The following TRPM6 variants were observed in gnomAD, a reference collection of about 807,000 sequenced individuals.
The protein encoded by TRPM6 is channel kinase 2.
A neutral mutation model predicts 247.6 loss-of-function variants in TRPM6; 111 were observed. The observed-to-expected ratio is 0.45, with a 90% CI of 0.38 to 0.52. The LOEUF is 0.52. TRPM6 is among the 20% of genes least tolerant of loss of function. The probability of loss-of-function intolerance (pLI) is 0.00; values close to 1 mark genes in which losing one functional copy is unlikely to be tolerated. For synonymous variants in TRPM6, 892 were observed against 853.8 expected (o/e 1.04, Z -0.78); for missense variants, 2,126 against 2,421.5 (o/e 0.88, Z 2.56).
rs1826632246 is a variant in TRPM6 at position 74,761,541 on chromosome 9, C to G, written c.4785+155G>C. On this transcript the variant is annotated intron_variant, in intron 27 of 38. Transcript: ENST00000360774. ...CCTGGACAACATAGCAAGACCCCAC[C>G]CATCTCTTAAAAAGAGGAACAAATT... Among the ~76,000 whole-genome samples the G allele has an allele frequency of 2.6e-5, 4 of 152,112 alleles. No individual in the cohort carries two copies. The South Asian group carries it at 8.3e-4, about 32-fold the overall frequency.
At chr9:74,773,860 G>T (rs1197819534) in intron 24 of TRPM6, among the ~76,000 whole-genome samples, 1 of 152,070 alleles carries the variant, frequency 6.6e-6, no homozygotes, top group African/African-American at 2.4e-5. Context: ...GATTTAAATG[G>T]CAGGAAAAAA....
In TRPM6 at chr9:74,753,594, G is replaced by A. The variant is rs181496625; in HGVS notation, c.4907-1226C>T. Among the ~76,000 whole-genome samples the A allele has an allele frequency of 9.2e-5, 14 of 152,172 alleles. No individual in the cohort carries two copies. In the South Asian group the frequency reaches 2.7e-3, roughly 29 times the overall value. ...TGCTATAGTCCCAGCTACTCGGGAG[G>A]CTGAGGTGGAAGGATCGCTTGAGCC... On this transcript the variant is annotated intron_variant, in intron 28 of 38. Coordinates refer to ENST00000360774, the MANE Select transcript of TRPM6 (RefSeq NM_017662.5).
intron 5 of TRPM6, among the ~76,000 whole-genome samples, 157 bp downstream of exon 5, chr9:74,839,855 GAGGAAGGAAGGA>G (rs527635762): frequency 3.2e-4 from 23 of 72,560 alleles, no homozygotes; most frequent in African/African-American, 3.5e-4. Context: ...AGAAGAGAGA[GAGGAAGGAAGGA>G]AGGAAGGAAG....
chr9:74,804,626 C>T, intron 14 of TRPM6: 1 of 748,108 alleles, frequency 1.3e-6, no homozygotes, highest in Non-Finnish European at 2.4e-6. Context: ...AGGTTACAAA[C>T]TGGTCTGAAG....
intron 25 of TRPM6, among the ~76,000 whole-genome samples, chr9:74,765,643 G>A (rs1826803077): frequency 6.6e-6 from 1 of 152,096 alleles, no homozygotes; most frequent in African/African-American, 2.4e-5. Context: ...AATGATTCCC[G>A]CTCTTATCTG....
chr9:74,796,712 AATTCAGTTC>A lies in TRPM6; in HGVS notation c.2391+20_2391+28del, dbSNP rs1198912665. On this transcript the variant is annotated intron_variant, in intron 18 of 38. Coordinates refer to ENST00000360774, the MANE Select transcript of TRPM6 (RefSeq NM_017662.5). The stretch of plus-strand genomic sequence containing the variant: ...ATTTGCGTGCAGTCAATACAATGAA[AATTCAGTTC>A]ATTATGATTTTGCACTAACCACAGA... The A allele has an allele frequency of 1.2e-6, 2 of 1,610,352 alleles. No individual in the cohort carries two copies. Among genetic ancestry groups the A allele is most frequent in the African/African-American group, 2.7e-5 (2 of 74,824 alleles).
chr9:74,741,026 G>A (rs1825848262), intron 33 of TRPM6, among the ~76,000 whole-genome samples: 1 of 152,024 alleles, frequency 6.6e-6, no homozygotes, highest in Non-Finnish European at 1.5e-5. Flanking sequence ...CAGAAAAATG[G>A]GGATGAAAAT....
intron 13 of TRPM6, among the ~76,000 whole-genome samples, chr9:74,809,943 C>T (rs1309119946): frequency 7.5e-6 from 1 of 134,036 alleles, no homozygotes; most frequent in East Asian, 2.4e-4. Context: ...CCCATCATTG[C>T]ACTCCAGCCT....
At chr9:74,867,375 A>C (rs1474068184) in intron 1 of TRPM6, among the ~76,000 whole-genome samples, 3 of 152,218 alleles carry the variant, frequency 2.0e-5, no homozygotes, top group African/African-American at 7.2e-5. Context: ...ACTACTGCAC[A>C]CAAGTGACTG....
chr9:74,782,328 A>G lies in TRPM6; in HGVS notation c.3209+34T>C, dbSNP rs185366216. On this transcript the variant is annotated intron_variant, in intron 23 of 38. Transcript: ENST00000360774. ...CTCAACATATCTGCCCACATTTCTT[A>G]TTTAAATAATCATATTTAATTGAAA... The G allele has an allele frequency of 1.2e-4, 180 of 1,511,356 alleles. No individual in the cohort carries two copies. The African/African-American group carries it at 2.4e-3, about 20-fold the overall frequency. The allele number at this position is 1,511,356 out of a possible 1,614,324, so 93.6% of individuals were successfully genotyped here. A position where few individuals can be genotyped will look rare whatever the true frequency, so the allele number is the denominator to read the frequency against.
intron 36 of TRPM6, among the ~76,000 whole-genome samples, chr9:74,734,933 C>A (rs1587451471): frequency 6.6e-6 from 1 of 152,254 alleles, no homozygotes; most frequent in African/African-American, 2.4e-5. Flanking sequence ...AGAGAATAGG[C>A]CAGGCACGGT....
chr9:74,859,881 G>A (rs1026508633), intron 1 of TRPM6, among the ~76,000 whole-genome samples: 6 of 151,930 alleles, frequency 3.9e-5, no homozygotes, highest in Admixed American at 2.0e-4. Context: ...CAAACTCCAC[G>A]TCAGTGCAGT....
chr9:74,723,816 AT>A lies in TRPM6; in HGVS notation c.*796del. On this transcript the variant is annotated 3_prime_UTR_variant, in exon 39 of 39. Coordinates refer to ENST00000360774, the MANE Select transcript of TRPM6 (RefSeq NM_017662.5). The stretch of plus-strand genomic sequence containing the variant: ...CCATCTCAAAAATAAAAATATATAT[AT>A]ATATATATAAAATATATATATTCCA... 6.9e-6 allele frequency: 1 copy of A among 144,168 alleles called. No individual in the cohort carries two copies. Among genetic ancestry groups the A allele is most frequent in the African/African-American group, 2.5e-5 (1 of 40,166 alleles). The allele number at this position is 144,168 out of a possible 1,614,324, so 8.9% of individuals were successfully genotyped here.
chr9:74,867,727 C>T (rs1399674180), intron 1 of TRPM6, among the ~76,000 whole-genome samples: 2 of 152,184 alleles, frequency 1.3e-5, no homozygotes, highest in African/African-American at 4.8e-5. Context: ...CAGCCCTTTA[C>T]AATCCATAGG....
At chr9:74,844,766 GCTAA>G (rs199681493) in intron 3 of TRPM6, among the ~76,000 whole-genome samples, 2,160 of 152,224 alleles carry the variant, frequency 0.014, 52 homozygotes, top group African/African-American at 0.049. Context: ...TCACAACTTG[GCTAA>G]CTGTTTGGCA....
rs142043309 is a variant in TRPM6, at chr9:74,812,321, C to T, written c.1421G>A (p.Arg474Gln). 4.2e-4 allele frequency: 678 copies of T among 1,613,694 alleles called. 2 individuals carry two copies. The African/African-American group carries it at 8.3e-3, about 20-fold the overall frequency. The change falls in exon 12 of 39, where the codon CGA (arginine) becomes CAA (glutamine). Residue 474 changes from arginine to glutamine, a missense_variant. Coordinates refer to ENST00000360774, the MANE Select transcript of TRPM6 (RefSeq NM_017662.5). ...VNLHRFLTIP[R>Q]LEELYNTKQG... ...CACTGTATTGTAGAGCTCTTCCAGTCGAGGGATGGTAAGAAAGCGATGGAG... is the reference window on the plus strand; with the variant it reads ...CACTGTATTGTAGAGCTCTTCCAGTTGAGGGATGGTAAGAAAGCGATGGAG...
At chr9:74,872,078 C>G (rs929786063) in intron 1 of TRPM6, among the ~76,000 whole-genome samples, 12 of 152,144 alleles carry the variant, frequency 7.9e-5, no homozygotes, top group African/African-American at 2.7e-4. Context: ...GTCTCAAACT[C>G]CTGACCTCAA....
chr9:74,879,430 C>T (rs1831292121), intron 1 of TRPM6, among the ~76,000 whole-genome samples: 1 of 151,918 alleles, frequency 6.6e-6, no homozygotes, highest in South Asian at 2.1e-4. Context: ...GTTAATAACT[C>T]CCATATCCTT....
chr9:74,807,930 AC>A (rs1828588761), intron 14 of TRPM6, 103 bp downstream of exon 14: 1 of 1,259,756 alleles, frequency 7.9e-7, no homozygotes, highest in African/African-American at 1.5e-5. Context: ...AAATAAAATG[AC>A]CATTTTAGGA....
Sources: gnomAD v4.1 joint callset for allele counts (sites outside exome capture counted in the v4.1 genomes callset) on GRCh38, gnomAD v4.1.1 for gene constraint, MANE v1.5 for transcripts, NCBI Gene and HGNC (gene_info 2026-07-23, HGNC 2026-07-21) for gene names.